Variants in FRMD4A observed in about 807,000 individuals in gnomAD.
FRMD4A encodes the protein FERM domain containing 4A.
A neutral mutation model predicts 129.1 loss-of-function variants in FRMD4A; 29 were observed. The observed-to-expected ratio is 0.22, with a 90% CI of 0.17 to 0.31. The LOEUF is 0.31. Ranked by LOEUF, FRMD4A falls within the 10% of genes least tolerant of loss-of-function variation. The pLI is 1.00. For synonymous variants in FRMD4A, 634 were observed against 571.6 expected, an observed-to-expected ratio of 1.11 and a Z score of -1.56; for missense variants, 1,272 against 1,375.8, an observed-to-expected ratio of 0.92 and a Z score of 1.19.
intron 2 of FRMD4A, among the ~76,000 whole-genome samples, chr10:14,170,814 C>T (rs766817744): frequency 3.2e-4 from 9 of 28,458 alleles, no homozygotes; most frequent in Non-Finnish European, 1.7e-3. Flanking sequence ...TCTTCCCTGG[C>T]CTCTTCTCCC....
intron 2 of FRMD4A, among the ~76,000 whole-genome samples, chr10:14,289,891 G>A (rs771126512): frequency 2.0e-5 from 3 of 151,564 alleles, no homozygotes; most frequent in African/African-American, 7.3e-5. Flanking sequence ...AAAACTCTTA[G>A]GACAAATAAA....
rs545094963 is a variant in FRMD4A, at chr10:14,016,963, A to G, written c.46-158051T>C. 2.0e-5 allele frequency among the ~76,000 whole-genome samples: 3 copies of G among 152,342 alleles called. 1 individual carries two copies. The South Asian group carries it at 6.2e-4, about 32-fold the overall frequency. ...TTCAGCTCGTCATCCACAGACAGAG[A>G]TCTTGCTCACAAGCTGCAGATGGAT... On this transcript the variant is annotated intron_variant, in intron 2 of 24. Transcript: ENST00000357447.
intron 5 of FRMD4A, among the ~76,000 whole-genome samples, chr10:13,788,821 G>T (rs1307972170): frequency 1.1e-5 from 1 of 89,952 alleles, no homozygotes; most frequent in African/African-American, 5.0e-5. Context: ...AAGCCTCGGG[G>T]AGTCCCGTCC....
chr10:14,074,003 C>T (rs983366375), intron 2 of FRMD4A, among the ~76,000 whole-genome samples: 4 of 152,136 alleles, frequency 2.6e-5, no homozygotes, highest in Middle Eastern at 3.4e-3. Context: ...CCCAGCTACT[C>T]GGGAGGCTGA....
chr10:14,082,234 G>A (rs1267376425), intron 2 of FRMD4A, among the ~76,000 whole-genome samples: 7 of 151,984 alleles, frequency 4.6e-5, no homozygotes, highest in East Asian at 3.9e-4. Flanking sequence ...GCAACAGAGC[G>A]AGACTCCAGA....
intron 2 of FRMD4A, among the ~76,000 whole-genome samples, chr10:14,149,827 G>A (rs920863853): frequency 1.3e-5 from 2 of 152,158 alleles, no homozygotes; most frequent in Non-Finnish European, 1.5e-5. Context: ...CCTCATCCCG[G>A]CCAGCTCTCC....
chr10:13,807,861 C>T (rs2093381875), intron 4 of FRMD4A, among the ~76,000 whole-genome samples: 1 of 149,624 alleles, frequency 6.7e-6, no homozygotes. Flanking sequence ...TGCAGTGGCA[C>T]ACTCTCGGCT....
At chr10:13,753,064 C>T (rs1196932467) in intron 8 of FRMD4A, among the ~76,000 whole-genome samples, 1 of 152,204 alleles carries the variant, frequency 6.6e-6, no homozygotes, top group African/African-American at 2.4e-5. Context: ...ACGTGGCTCT[C>T]TGTTCCTTTG....
chr10:14,072,461 T>C (rs764695094), intron 2 of FRMD4A, among the ~76,000 whole-genome samples: 2 of 152,220 alleles, frequency 1.3e-5, no homozygotes, highest in Non-Finnish European at 2.9e-5. Flanking sequence ...GAAAATATTA[T>C]AAGATTAAAA....
At chr10:13,913,864 A>G (rs1432978282) in intron 2 of FRMD4A, among the ~76,000 whole-genome samples, 1 of 152,214 alleles carries the variant, frequency 6.6e-6, no homozygotes, top group African/African-American at 2.4e-5. Flanking sequence ...AACAAATACT[A>G]AATAAGTACA....
chr10:14,139,179 TA>T lies in FRMD4A; in HGVS notation c.45+190878del, dbSNP rs528797698. 2.0e-3 allele frequency among the ~76,000 whole-genome samples: 305 copies of T among 152,346 alleles called. 1 individual carries two copies. The highest frequency in any genetic ancestry group is 6.8e-3 in the African/African-American group (283 of 41,572). ...AATGTGCATGGGGAATGAAGCCAAT[TA>T]TTTTTTTGGAATTTGGCAGTCAAAT... On this transcript the variant is annotated intron_variant, in intron 2 of 24. Transcript: ENST00000357447.
chr10:14,081,237 G>A (rs744444), intron 2 of FRMD4A, among the ~76,000 whole-genome samples: 4,985 of 152,180 alleles, frequency 0.033, 122 homozygotes, highest in African/African-American at 0.078. Flanking sequence ...TGCGTGAAAT[G>A]AAGGCAAAAG....
intron 2 of FRMD4A, among the ~76,000 whole-genome samples, chr10:13,941,798 T>C (rs945437281): frequency 2.6e-5 from 4 of 152,168 alleles, no homozygotes; most frequent in African/African-American, 9.7e-5. Flanking sequence ...TTTACATGGA[T>C]CTCTGAATTT....
intron 2 of FRMD4A, among the ~76,000 whole-genome samples, chr10:14,095,067 A>G (rs1836879320): frequency 6.6e-6 from 1 of 152,186 alleles, no homozygotes; most frequent in Non-Finnish European, 1.5e-5. Context: ...GGAACTGAAG[A>G]TTTTGAGTCT....
At chr10:13,873,015 C>A (rs10437549) in intron 2 of FRMD4A, among the ~76,000 whole-genome samples, 150,230 of 151,938 alleles carry the variant, frequency 0.99, 74,288 homozygotes, top group Non-Finnish European at 1. Context: ...ATCTCTACTA[C>A]AAATACAAAA....
intron 2 of FRMD4A, among the ~76,000 whole-genome samples, chr10:14,037,572 A>G (rs763923744): frequency 1.2e-4 from 19 of 152,206 alleles, no homozygotes; most frequent in East Asian, 1.9e-4. Flanking sequence ...CACTAATTCA[A>G]TGTGAAAATG....
chr10:14,182,622 C>T (rs556911561), intron 2 of FRMD4A, among the ~76,000 whole-genome samples: 3 of 152,242 alleles, frequency 2.0e-5, no homozygotes, highest in Non-Finnish European at 4.4e-5. Context: ...CCATCATCTA[C>T]CCTAAAAGTA....
intron 15 of FRMD4A, among the ~76,000 whole-genome samples, chr10:13,677,771 G>A (rs1322971760): frequency 6.6e-6 from 1 of 152,180 alleles, no homozygotes; most frequent in Non-Finnish European, 1.5e-5. Flanking sequence ...CACATCTGAA[G>A]ACTCAGGAAC....
At chr10:14,101,215 T>A (rs1837282856) in intron 2 of FRMD4A, among the ~76,000 whole-genome samples, 1 of 152,250 alleles carries the variant, frequency 6.6e-6, no homozygotes, top group Admixed American at 6.5e-5. Flanking sequence ...TGTGATTTCA[T>A]AATCCTCTTG....
Sources: allele counts gnomAD v4.1 joint callset (sites outside exome capture counted in the v4.1 genomes callset), GRCh38; gene constraint gnomAD v4.1.1; transcripts MANE v1.5; gene names NCBI Gene and HGNC (gene_info 2026-07-23, HGNC 2026-07-21).